The following ABCC1 variants were observed in gnomAD, a reference collection of about 807,000 sequenced individuals.
ABCC1 encodes the protein multidrug resistance-associated protein 1.
ABCC1 carries 83 observed loss-of-function variants against 172.9 expected under a neutral mutation model. That is an observed-to-expected ratio of 0.48 (90% CI 0.40 to 0.58). The LOEUF is 0.58. Ranked by LOEUF, ABCC1 falls within the 20% of genes least tolerant of loss-of-function variation. The pLI is 0.00. For missense variants in ABCC1, 1,817 were observed against 2,002.7 expected, an observed-to-expected ratio of 0.91 and a Z score of 1.77; for synonymous variants, 937 against 825.2, an observed-to-expected ratio of 1.14 and a Z score of -2.32.
chr16:16,093,347 C>T (rs2051329122), intron 19 of ABCC1, among the ~76,000 whole-genome samples: 1 of 152,096 alleles, frequency 6.6e-6, no homozygotes, highest in Non-Finnish European at 1.5e-5. Flanking sequence ...AAAAAATGTC[C>T]TTAAACTCTC....
At position 16,143,042 on chromosome 16, in the gene ABCC1, TA is replaced by T. The variant is rs1455066823; in HGVS notation, c.*1762del. The T allele has an allele frequency of 6.6e-6, 1 of 152,110 alleles. No individual in the cohort carries two copies. The highest frequency in any genetic ancestry group is 1.5e-5 in the Non-Finnish European group (1 of 68,024). 9.4% of individuals were successfully genotyped at this position (152,110 alleles called of 1,614,324 possible). ...TGCGAACATTTGCAGTAAAAAAATA[TA>T]TATATATCTATATATTTTATTTCTT... is the stretch of plus-strand genomic sequence containing the variant. On this transcript the variant is annotated 3_prime_UTR_variant, in exon 31 of 31. Transcript: ENST00000399410.
intron 13 of ABCC1, among the ~76,000 whole-genome samples, chr16:16,071,122 CA>C (rs1335308932): frequency 6.6e-6 from 1 of 151,952 alleles, no homozygotes; most frequent in African/African-American, 2.4e-5. Context: ...CTCACTCTGT[CA>C]CCCAGGCTGG....
At chr16:15,980,615 G>A (rs1030407690) in intron 1 of ABCC1, among the ~76,000 whole-genome samples, 1 of 152,148 alleles carries the variant, frequency 6.6e-6, no homozygotes, top group African/African-American at 2.4e-5. Context: ...TGATTGAATT[G>A]TCTCTCACTG....
intron 1 of ABCC1, 133 bp from the exon 2 acceptor site, chr16:16,007,683 C>T: frequency 1.3e-6 from 1 of 773,774 alleles, no homozygotes; most frequent in South Asian, 2.3e-5. Flanking sequence ...CGTGTTCATC[C>T]TGAAAGGTCC....
At position 16,131,949 on chromosome 16, in the gene ABCC1, GC is replaced by G; in HGVS notation, c.3966+18del. 6.2e-7 allele frequency: 1 copy of G among 1,610,234 alleles called. No individual in the cohort carries two copies. Among genetic ancestry groups the G allele is most frequent in the Non-Finnish European group, 8.5e-7 (1 of 1,177,686 alleles). ...GGGGGAGAAAAGGTGGGTACACATC[GC>G]CCCATTCCCTCACCCATTCCCAGTC... On this transcript the variant is annotated intron_variant, in intron 27 of 30. Transcript: ENST00000399410.
chr16:15,969,084 A>T (rs1209227329), intron 1 of ABCC1, among the ~76,000 whole-genome samples: 1 of 152,016 alleles, frequency 6.6e-6, no homozygotes, highest in Non-Finnish European at 1.5e-5. Flanking sequence ...CTTGCCTATA[A>T]TCCCAGCTAC....
chr16:16,141,362 C>G lies in ABCC1; in HGVS notation c.*81C>G. 1.5e-6 allele frequency: 2 copies of G among 1,328,508 alleles called. No homozygotes were observed. Among genetic ancestry groups the G allele is most frequent in the East Asian group, 2.3e-5 (1 of 43,004 alleles). 82.3% of individuals were successfully genotyped at this position (1,328,508 alleles called of 1,614,324 possible). A position where few individuals can be genotyped will look rare whatever the true frequency, so the allele number is the denominator to read the frequency against. ...GGAGGAGTCAGTACCCCTGGTAAACCAAGCCTCCCACACTGAAACCAAAAC... is the reference window on the plus strand; with the variant it reads ...GGAGGAGTCAGTACCCCTGGTAAACGAAGCCTCCCACACTGAAACCAAAAC... On this transcript the variant is annotated 3_prime_UTR_variant, in exon 31 of 31. Transcript: ENST00000399410.
At chr16:15,990,924 A>G (rs1434176808) in intron 1 of ABCC1, among the ~76,000 whole-genome samples, 1 of 150,984 alleles carries the variant, frequency 6.6e-6, no homozygotes, top group East Asian at 1.9e-4. Flanking sequence ...TGACCTCCCA[A>G]AGCGGTGGGA....
intron 7 of ABCC1, among the ~76,000 whole-genome samples, chr16:16,042,649 G>C (rs1484211846): frequency 6.6e-6 from 1 of 150,652 alleles, no homozygotes; most frequent in African/African-American, 2.4e-5. Flanking sequence ...GTTGCAGGGA[G>C]TCAGGATCGC....
intron 7 of ABCC1, among the ~76,000 whole-genome samples, chr16:16,037,284 G>GT (rs1414246620): frequency 6.6e-6 from 1 of 152,154 alleles, no homozygotes; most frequent in Non-Finnish European, 1.5e-5. Context: ...ACGTAAGTCT[G>GT]TTTAGCCAAA....
chr16:16,000,016 G>T (rs1045395448), intron 1 of ABCC1, among the ~76,000 whole-genome samples: 1 of 150,220 alleles, frequency 6.7e-6, no homozygotes, highest in Non-Finnish European at 1.5e-5. Context: ...CACCATGCCT[G>T]GCTAATTTTT....
intron 1 of ABCC1, among the ~76,000 whole-genome samples, chr16:15,950,108 A>C (rs1052188369): frequency 1.3e-5 from 2 of 151,280 alleles, no homozygotes; most frequent in African/African-American, 4.9e-5. Flanking sequence ...CCGTCTGTAA[A>C]AACAACCTTC....
In ABCC1 at chr16:16,132,529, T is replaced by G. The variant is rs956716217; in HGVS notation, c.3966+594T>G. On this transcript the variant is annotated intron_variant, in intron 27 of 30. Coordinates refer to ENST00000399410, the MANE Select transcript of ABCC1 (RefSeq NM_004996.4). ...TTGGTTGTTTTTTTTTTTTTTTTTT[T>G]TTTTTTTTTTGAGATGGAGTCTTAC... Among the ~76,000 whole-genome samples the G allele has an allele frequency of 1.8e-4, 24 of 131,024 alleles. 1 individual carries two copies. Among genetic ancestry groups the G allele is most frequent in the Non-Finnish European group, 3.6e-4 (22 of 61,496 alleles). The allele number at this position is 131,024 out of a possible 152,430, so 86.0% of individuals were successfully genotyped here.
At chr16:16,131,768 C>A (rs1307910837) in intron 26 of ABCC1, 21 bp from the exon 27 acceptor site, 1 of 1,609,186 alleles carries the variant, frequency 6.2e-7, no homozygotes, top group African/African-American at 1.3e-5. Flanking sequence ...TCCTTACTCT[C>A]TCCCTTCACT....
At chr16:16,086,377 TAAA>T (rs2051005559) in intron 17 of ABCC1, among the ~76,000 whole-genome samples, 1 of 152,204 alleles carries the variant, frequency 6.6e-6, no homozygotes, top group African/African-American at 2.4e-5. Flanking sequence ...GCATCAAACT[TAAA>T]GAAGAGGAGG....
In ABCC1 at chr16:15,999,887, G is replaced by A. The variant is rs1049650716; in HGVS notation, c.49-7929G>A. Among the ~76,000 whole-genome samples the A allele has an allele frequency of 1.8e-4, 7 of 38,900 alleles. 1 individual carries two copies. Among genetic ancestry groups the A allele is most frequent in the Middle Eastern group, 0.013 (1 of 80 alleles). 25.5% of individuals were successfully genotyped at this position (38,900 alleles called of 152,430 possible). ...CTTTCTTTCTTTCAGCCTGAGTCTC[G>A]CTTTGTCGCCAGGCTGGAGTGCAGT... On this transcript the variant is annotated intron_variant, in intron 1 of 30. Coordinates refer to ENST00000399410, the MANE Select transcript of ABCC1 (RefSeq NM_004996.4).
chr16:16,050,747 A>AAAT (rs898616526), intron 10 of ABCC1, among the ~76,000 whole-genome samples: 2 of 150,068 alleles, frequency 1.3e-5, no homozygotes, highest in African/African-American at 4.9e-5. Flanking sequence ...AAAAAAAAAA[A>AAAT]AAAAAATTAG....
intron 21 of ABCC1, among the ~76,000 whole-genome samples, chr16:16,108,155 T>C (rs1401810323): frequency 5.9e-5 from 9 of 152,134 alleles, no homozygotes; most frequent in African/African-American, 2.2e-4. Context: ...CAGGCCCATT[T>C]AATCCTCATT....
intron 5 of ABCC1, among the ~76,000 whole-genome samples, chr16:16,029,641 G>C: frequency 6.6e-6 from 1 of 152,196 alleles, no homozygotes; most frequent in Admixed American, 6.5e-5. Context: ...CTCACAAAAA[G>C]TTGCAAAAAT....
Sources: allele counts gnomAD v4.1 joint callset (sites outside exome capture counted in the v4.1 genomes callset), GRCh38; gene constraint gnomAD v4.1.1; transcripts MANE v1.5; gene names NCBI Gene and HGNC (gene_info 2026-07-23, HGNC 2026-07-21).